The following PSKH2 variants were observed in gnomAD, a reference collection of about 807,000 sequenced individuals.
The protein encoded by PSKH2 is protein serine kinase H2, also known as serine/threonine-protein kinase H2.
In PSKH2, 16 loss-of-function variants were observed where a neutral mutation model predicts 22.5. That is an observed-to-expected ratio of 0.71 (90% CI 0.48 to 1.08). The LOEUF (loss-of-function observed/expected upper bound fraction) is 1.08. PSKH2 is among the 50% of genes least tolerant of loss of function. PSKH2 has a pLI of 0.00. For missense variants in PSKH2, 516 were observed against 492.8 expected, an observed-to-expected ratio of 1.05 and a Z score of -0.44; for synonymous variants, 188 against 184.8, an observed-to-expected ratio of 1.02 and a Z score of -0.14.
At chr8:86,066,833 G>A (rs1172970386) in intron 1 of PSKH2, among the ~76,000 whole-genome samples, 1 of 152,064 alleles carries the variant, frequency 6.6e-6, no homozygotes, top group East Asian at 1.9e-4. Flanking sequence ...TAGCAATTTA[G>A]TAATCTTAAA....
intron 1 of PSKH2, among the ~76,000 whole-genome samples, chr8:86,068,638 A>G (rs951063023): frequency 6.6e-6 from 1 of 152,192 alleles, no homozygotes; most frequent in African/African-American, 2.4e-5. Context: ...ATGGTACATG[A>G]TAGAAGATAT....
chr8:86,050,112 T>G (rs1406759257), intron 2 of PSKH2, among the ~76,000 whole-genome samples: 1 of 152,230 alleles, frequency 6.6e-6, no homozygotes, highest in East Asian at 1.9e-4. Context: ...GCACATACTT[T>G]AAATACAATA....
At position 86,047,592 on chromosome 8, in the gene PSKH2, T is replaced by C. The variant is rs1368835817; in HGVS notation, c.*870A>G. 6.6e-6 allele frequency among the ~76,000 whole-genome samples: 1 copy of C among 152,170 alleles called. No homozygotes were observed. The highest frequency in any genetic ancestry group is 1.5e-5 in the Non-Finnish European group (1 of 67,992). On this transcript the variant is annotated 3_prime_UTR_variant, in exon 3 of 3. Coordinates refer to ENST00000276616, the MANE Select transcript of PSKH2 (RefSeq NM_033126.3). Reference sequence around the variant, plus strand: ...TAATAATATTTCAATCTTTATATCATTTTACAAAAATTTACCATATAAGAG... The same window carrying C: ...TAATAATATTTCAATCTTTATATCACTTTACAAAAATTTACCATATAAGAG...
Position 86,047,243 on chromosome 8 carries a change from T to A in PSKH2, c.*1219A>T, listed in dbSNP as rs1817540751. ...AATATTTGCCCATTTTTCTATTATT[T>A]ATCTAATGAATTTGTAAGTGTCTTT... On this transcript the variant is annotated 3_prime_UTR_variant, in exon 3 of 3. Transcript: ENST00000276616. Among the ~76,000 whole-genome samples the A allele has an allele frequency of 6.6e-6, 1 of 152,220 alleles. No individual in the cohort carries two copies. The highest frequency in any genetic ancestry group is 1.5e-5 in the Non-Finnish European group (1 of 68,018).
At chr8:86,057,941 T>G (rs968171241) in intron 2 of PSKH2, among the ~76,000 whole-genome samples, 1 of 152,164 alleles carries the variant, frequency 6.6e-6, no homozygotes, top group African/African-American at 2.4e-5. Flanking sequence ...ATAATCATAC[T>G]TGTCTCTCAG....
chr8:86,055,614 G>A (rs905057384), intron 2 of PSKH2, among the ~76,000 whole-genome samples: 1 of 152,162 alleles, frequency 6.6e-6, no homozygotes, highest in African/African-American at 2.4e-5. Context: ...CCAAATTACA[G>A]GAATTACAGC....
intron 2 of PSKH2, among the ~76,000 whole-genome samples, chr8:86,061,165 T>A (rs1817772637): frequency 6.6e-6 from 1 of 152,126 alleles, no homozygotes; most frequent in Non-Finnish European, 1.5e-5. Context: ...AGGCCTACCC[T>A]CTGTGGCCTT....
chr8:86,064,563 G>C lies in PSKH2; in HGVS notation c.254C>G (p.Thr85Ser), dbSNP rs751938806. The change falls in exon 2 of 3, where the codon ACC (threonine) becomes AGC (serine). Residue 85 changes from threonine to serine, a missense_variant. Physicochemically the swap from Thr to Ser is moderately conservative, Grantham distance 58. Coordinates refer to ENST00000276616, the MANE Select transcript of PSKH2 (RefSeq NM_033126.3). ...SRVVRVEQKT[T>S]KKPFAIKVME... ...CACTTTTATTGCAAAAGGTTTCTTG[G>C]TGGTCTTCTGCTCTACCCTGACAAC... 1 of 1,613,954 alleles carries C rather than the reference G, an allele frequency of 6.2e-7. No individual in the cohort carries two copies. Among genetic ancestry groups the C allele is most frequent in the Non-Finnish European group, 8.5e-7 (1 of 1,179,986 alleles).
At chr8:86,054,640 G>A (rs1418376352) in intron 2 of PSKH2, among the ~76,000 whole-genome samples, 2 of 152,076 alleles carry the variant, frequency 1.3e-5, no homozygotes, top group African/African-American at 4.8e-5. Context: ...GAAAGACAAA[G>A]CATTGACTAA....
chr8:86,055,031 A>G (rs943746879), intron 2 of PSKH2, among the ~76,000 whole-genome samples: 1 of 152,200 alleles, frequency 6.6e-6, no homozygotes, highest in Non-Finnish European at 1.5e-5. Context: ...TCATTCTTCT[A>G]TGCATAATAT....
At chr8:86,067,462 T>C (rs1393555516) in intron 1 of PSKH2, among the ~76,000 whole-genome samples, 1 of 124,126 alleles carries the variant, frequency 8.1e-6, no homozygotes, top group East Asian at 2.9e-4. Flanking sequence ...TAAGTAAAGA[T>C]CACATCAAGC....
chr8:86,049,744 AAGAAACGAAAG>A, intron 2 of PSKH2, among the ~76,000 whole-genome samples: 1 of 12,178 alleles, frequency 8.2e-5, no homozygotes, highest in Non-Finnish European at 1.7e-4. Context: ...GAAAGAAAGA[AAGAAACGAAAG>A]AAAGAAAGAA....
At chr8:86,066,575 AG>A (rs1053371010) in intron 1 of PSKH2, 1 of 152,166 alleles carries the variant, frequency 6.6e-6, no homozygotes, top group Non-Finnish European at 1.5e-5. Flanking sequence ...CCCAGGGAGA[AG>A]GCACGTTTTT....
intron 2 of PSKH2, among the ~76,000 whole-genome samples, chr8:86,062,499 G>A (rs1298838882): frequency 6.6e-6 from 1 of 152,176 alleles, no homozygotes. Context: ...GGAGGGGAAC[G>A]AAGTGGAGGT....
At chr8:86,054,262 A>G (rs966735396) in intron 2 of PSKH2, among the ~76,000 whole-genome samples, 2 of 152,212 alleles carry the variant, frequency 1.3e-5, no homozygotes, top group African/African-American at 4.8e-5. Flanking sequence ...ATAAGCTATC[A>G]TTCAATTCCT....
chr8:86,052,878 C>A (rs1238081502), intron 2 of PSKH2, among the ~76,000 whole-genome samples: 2 of 152,120 alleles, frequency 1.3e-5, no homozygotes, highest in Non-Finnish European at 2.9e-5. Flanking sequence ...CTTTCTTCCT[C>A]TGGTTCTTTG....
At chr8:86,056,966 C>T (rs1456444994) in intron 2 of PSKH2, among the ~76,000 whole-genome samples, 1 of 149,376 alleles carries the variant, frequency 6.7e-6, no homozygotes, top group Non-Finnish European at 1.5e-5. Context: ...GAAGGTCTCA[C>T]TCTGTTACCC....
At chr8:86,066,115 C>T (rs948945233) in intron 1 of PSKH2, among the ~76,000 whole-genome samples, 1 of 151,556 alleles carries the variant, frequency 6.6e-6, no homozygotes, top group Non-Finnish European at 1.5e-5. Context: ...AACCCAACTT[C>T]TTGTTTTACT....
chr8:86,058,065 G>A (rs1161761102), intron 2 of PSKH2, among the ~76,000 whole-genome samples: 2 of 152,130 alleles, frequency 1.3e-5, no homozygotes, highest in African/African-American at 4.8e-5. Flanking sequence ...CCTTCAAATG[G>A]TCTCCATAAT....
Sources: gnomAD v4.1 joint callset for allele counts (sites outside exome capture counted in the v4.1 genomes callset) on GRCh38, gnomAD v4.1.1 for gene constraint, MANE v1.5 for transcripts, NCBI Gene and HGNC (gene_info 2026-07-23, HGNC 2026-07-21) for gene names.